The following CD46 variants were observed in gnomAD, a reference collection of about 807,000 sequenced individuals.
CD46 encodes the protein CD46 molecule, also known as membrane cofactor protein.
CD46 carries 30 observed loss-of-function variants against 53.3 expected under a neutral mutation model. The observed-to-expected ratio is 0.56, with a 90% CI of 0.42 to 0.76. CD46 has a LOEUF of 0.76. Ranked by LOEUF, CD46 falls within the 30% of genes least tolerant of loss-of-function variation. CD46 has a pLI of 0.00. For synonymous variants in CD46, 142 were observed against 152.0 expected, an observed-to-expected ratio of 0.93 and a Z score of 0.48; for missense variants, 409 against 463.0, an observed-to-expected ratio of 0.88 and a Z score of 1.07.
rs756580433 is a variant in CD46, at chr1:207,752,224, C to T, written c.12C>T (p.Pro4=). The change falls in exon 1 of 13, where the codon CCC becomes CCT. Residue 4 remains proline (P), a synonymous_variant. Transcript: ENST00000367042. This position sits in a 1 kb window ranked among gnomAD's most constrained non-coding sequence, Gnocchi z 4.1. ...CTTCCGCGCCGCGCATGGAGCCTCCCGGCCGCCGCGAGTGTCCCTTTCCTT... is the reference window on the plus strand; with the variant it reads ...CTTCCGCGCCGCGCATGGAGCCTCCTGGCCGCCGCGAGTGTCCCTTTCCTT... The part of the protein sequence containing the change: MEP[P]GRRECPFPSW... 4 of 1,613,860 alleles carry T rather than the reference C, an allele frequency of 2.5e-6. No individual in the cohort carries two copies. The Admixed American group carries it at 5.0e-5, about 20-fold the overall frequency.
At chr1:207,764,627 AAG>A (rs1330196327) in intron 5 of CD46, among the ~76,000 whole-genome samples, 1 of 152,228 alleles carries the variant, frequency 6.6e-6, no homozygotes, top group Admixed American at 6.5e-5. Context: ...AAGAATGAAA[AAG>A]AGAATATCAC....
intron 8 of CD46, 89 bp from the exon 9 acceptor site, chr1:207,783,202 AT>A (rs1206835145): frequency 1.2e-5 from 8 of 679,512 alleles, no homozygotes; most frequent in African/African-American, 1.8e-5. Context: ...GTGAAAAAAA[AT>A]CACCCTATGA....
chr1:207,772,705 T>C (rs539256110), intron 8 of CD46, among the ~76,000 whole-genome samples: 4 of 152,262 alleles, frequency 2.6e-5, no homozygotes, highest in Non-Finnish European at 5.9e-5. Flanking sequence ...ATTATGTTTA[T>C]TGATTTGTTA....
chr1:207,758,679 T>C (rs1267120485), intron 3 of CD46, among the ~76,000 whole-genome samples: 1 of 152,104 alleles, frequency 6.6e-6, no homozygotes, highest in Non-Finnish European at 1.5e-5. Flanking sequence ...TAACACACCA[T>C]AATATAGAAA....
intron 8 of CD46, among the ~76,000 whole-genome samples, chr1:207,775,370 ACTT>A (rs1558066880): frequency 1.3e-5 from 2 of 152,114 alleles, no homozygotes; most frequent in African/African-American, 4.8e-5. Flanking sequence ...TCTGAAACCT[ACTT>A]CTGTTAACTC....
At chr1:207,784,136 C>T (rs1003539560) in intron 9 of CD46, among the ~76,000 whole-genome samples, 10 of 152,104 alleles carry the variant, frequency 6.6e-5, no homozygotes, top group African/African-American at 1.9e-4. Context: ...GTATTTAGGA[C>T]TATGTCTTAA....
intron 9 of CD46, 123 bp downstream of exon 9, chr1:207,783,453 G>A: frequency 1.5e-6 from 1 of 680,794 alleles, no homozygotes; most frequent in Non-Finnish European, 2.7e-6. Context: ...CTTAAATGCT[G>A]TGTTTGTATG....
At chr1:207,787,138 C>A (rs1366730228) in intron 11 of CD46, among the ~76,000 whole-genome samples, 1 of 152,138 alleles carries the variant, frequency 6.6e-6, no homozygotes, top group Non-Finnish European at 1.5e-5. Flanking sequence ...ATGGCGCAAT[C>A]TTGGCTCGCT....
intron 1 of CD46, among the ~76,000 whole-genome samples, chr1:207,753,748 G>A (rs1188481294): frequency 6.6e-6 from 1 of 152,082 alleles, no homozygotes; most frequent in Non-Finnish European, 1.5e-5. Flanking sequence ...TCAAAAGACA[G>A]CTATTTTTAA....
At chr1:207,768,030 A>G in intron 7 of CD46, 1 of 554,558 alleles carries the variant, frequency 1.8e-6, no homozygotes, top group Non-Finnish European at 3.2e-6. Flanking sequence ...GACCTTGGGA[A>G]AGTTGTATAA....
At position 207,752,098 on chromosome 1, in the gene CD46, G is replaced by GT. The variant is rs1352206167; in HGVS notation, c.-114dup. On this transcript the variant is annotated 5_prime_UTR_variant, in exon 1 of 13. The change creates a premature stop within an existing upstream ORF in the 5' untranslated region. Transcript: ENST00000367042. This position sits in a 1 kb window ranked among gnomAD's most constrained non-coding sequence, Gnocchi z 4.1. ...CCTGTCCTGCAGCACTGGATGCTTTGTGAGTTGGGGATTGTTGCGTCCCAT... is the reference window on the plus strand; with the variant it reads ...CCTGTCCTGCAGCACTGGATGCTTTGTTGAGTTGGGGATTGTTGCGTCCCAT... The GT allele has an allele frequency of 2.0e-6, 2 of 1,009,790 alleles. No individual in the cohort carries two copies. The highest frequency in any genetic ancestry group is 3.1e-5 in the African/African-American group (2 of 63,540). 62.6% of individuals were successfully genotyped at this position (1,009,790 alleles called of 1,614,324 possible). A position where few individuals can be genotyped will look rare whatever the true frequency, so the allele number is the denominator to read the frequency against.
rs41316843 is a variant in CD46 at position 207,756,512 on chromosome 1, T to A, written c.98-502T>A. ...AGTTTGTCAGTGTCAGCATTTCTTG[T>A]GCACCCACAAGGTGAGTATAGTAGA... On this transcript the variant is annotated intron_variant, in intron 1 of 12. Coordinates refer to ENST00000367042, the MANE Select transcript of CD46 (RefSeq NM_172351.3). Among the ~76,000 whole-genome samples the A allele has an allele frequency of 3.4e-3, 514 of 152,324 alleles. 3 individuals are homozygous for A. The highest frequency in any genetic ancestry group is 0.012 in the African/African-American group (488 of 41,568).
intron 12 of CD46, among the ~76,000 whole-genome samples, chr1:207,791,607 G>A (rs543956140): frequency 1.3e-5 from 2 of 152,198 alleles, no homozygotes; most frequent in African/African-American, 4.8e-5. Context: ...AATCTAAAAC[G>A]TAGTTCTGTA....
At chr1:207,789,978 T>A (rs1295450202) in intron 11 of CD46, among the ~76,000 whole-genome samples, 1 of 151,590 alleles carries the variant, frequency 6.6e-6, no homozygotes, top group African/African-American at 2.4e-5. Flanking sequence ...AATCACTTCA[T>A]GCAAAATGGC....
At chr1:207,785,734 T>G in intron 11 of CD46, 52 bp downstream of exon 11, 1 of 1,125,482 alleles carries the variant, frequency 8.9e-7, no homozygotes, top group Middle Eastern at 2.0e-4. Flanking sequence ...ATACTTAACA[T>G]GCTTTTGTGC....
chr1:207,781,682 T>A (rs1189497799), intron 8 of CD46, among the ~76,000 whole-genome samples: 1 of 152,240 alleles, frequency 6.6e-6, no homozygotes, highest in Non-Finnish European at 1.5e-5. Context: ...AGAGACTCCC[T>A]TTCCCCATTT....
At chr1:207,756,887 C>T in intron 1 of CD46, 127 bp from the exon 2 acceptor site, 1 of 748,396 alleles carries the variant, frequency 1.3e-6, no homozygotes, top group South Asian at 1.5e-5. Flanking sequence ...AAGCATGGAA[C>T]AGTCATTTAA....
rs1392417011 is a variant in CD46 at position 207,793,383 on chromosome 1, GAAT to G, written c.*42-132_*42-130del. The G allele has an allele frequency of 1.1e-5, 8 of 702,118 alleles. No homozygotes were observed. The African/African-American group carries it at 1.4e-4, about 13-fold the overall frequency. 43.5% of individuals were successfully genotyped at this position (702,118 alleles called of 1,614,324 possible). A position where few individuals can be genotyped will look rare whatever the true frequency, so the allele number is the denominator to read the frequency against. The stretch of plus-strand genomic sequence containing the variant: ...TTGAACATTTGAAATTATTTTAAAA[GAAT>G]AATTTATTTCCCAGGTTGGTGGCTC... On this transcript the variant is annotated intron_variant, in intron 12 of 12. Coordinates refer to ENST00000367042, the MANE Select transcript of CD46 (RefSeq NM_172351.3).
intron 5 of CD46, among the ~76,000 whole-genome samples, chr1:207,762,247 T>G (rs1656299237): frequency 6.6e-6 from 1 of 152,114 alleles, no homozygotes; most frequent in African/African-American, 2.4e-5. Flanking sequence ...AATATCCAAA[T>G]ATGTAGGATG....
Sources: allele counts gnomAD v4.1 joint callset (sites outside exome capture counted in the v4.1 genomes callset), GRCh38; gene constraint gnomAD v4.1.1; non-coding constraint Gnocchi (gnomAD v3.1); transcripts MANE v1.5; gene names NCBI Gene and HGNC (gene_info 2026-07-23, HGNC 2026-07-21).